NEK7: variants seen among roughly 807,000 people sequenced by gnomAD.
NEK7 encodes the protein NIMA related kinase 7.
NEK7 carries 18 observed loss-of-function variants against 44.6 expected under a neutral mutation model. The ratio of observed to expected loss-of-function variants is 0.40; its 90% CI spans 0.28 to 0.60. NEK7 has a LOEUF of 0.60. NEK7 is among the 20% of genes least tolerant of loss of function. The pLI, the probability that NEK7 is intolerant of heterozygous loss-of-function variation, is 0.38. For missense variants in NEK7, 256 were observed against 366.5 expected, an observed-to-expected ratio of 0.70 and a Z score of 2.46; for synonymous variants, 130 against 121.1, an observed-to-expected ratio of 1.07 and a Z score of -0.48.
intron 1 of NEK7, among the ~76,000 whole-genome samples, chr1:198,170,634 TA>T (rs1469351379): frequency 6.6e-6 from 1 of 152,186 alleles, no homozygotes; most frequent in East Asian, 1.9e-4. Flanking sequence ...TGCACTGAGT[TA>T]AATAAGGAAA....
intron 9 of NEK7, among the ~76,000 whole-genome samples, chr1:198,297,452 T>C (rs1654747090): frequency 6.6e-6 from 1 of 152,204 alleles, no homozygotes; most frequent in African/African-American, 2.4e-5. Flanking sequence ...ACACAGCATG[T>C]GGTGTAAAAT....
chr1:198,275,955 C>G (rs1259911838), intron 5 of NEK7, among the ~76,000 whole-genome samples: 1 of 151,504 alleles, frequency 6.6e-6, no homozygotes, highest in Non-Finnish European at 1.5e-5. Context: ...ATGAAACTGC[C>G]TTTATTTTGT....
chr1:198,253,788 G>T (rs1451224528), intron 3 of NEK7, among the ~76,000 whole-genome samples: 1 of 152,012 alleles, frequency 6.6e-6, no homozygotes, highest in Non-Finnish European at 1.5e-5. Context: ...TCCAAGTCCT[G>T]CCCTAACCCT....
chr1:198,216,606 C>T lies in NEK7; in HGVS notation c.-28-15947C>T, dbSNP rs1014092580. 2.0e-5 allele frequency among the ~76,000 whole-genome samples: 3 copies of T among 151,404 alleles called. No homozygotes were observed. The East Asian group carries it at 5.9e-4, about 30-fold the overall frequency. ...AGGGCAGAACTAAATGAAATTAGAACAAACAAACAAGCAGAAGTACAAAAG... is the reference window on the plus strand; with the variant it reads ...AGGGCAGAACTAAATGAAATTAGAATAAACAAACAAGCAGAAGTACAAAAG... On this transcript the variant is annotated intron_variant, in intron 1 of 9. Coordinates refer to ENST00000367385, the MANE Select transcript of NEK7 (RefSeq NM_133494.3).
intron 1 of NEK7, among the ~76,000 whole-genome samples, chr1:198,229,128 A>G (rs1666313521): frequency 6.6e-6 from 1 of 152,084 alleles, no homozygotes; most frequent in Admixed American, 6.5e-5. Context: ...ATTTGATCAT[A>G]TCTTTTTTGT....
chr1:198,267,944 T>C (rs1454001281), intron 5 of NEK7, among the ~76,000 whole-genome samples: 1 of 152,002 alleles, frequency 6.6e-6, no homozygotes, highest in Non-Finnish European at 1.5e-5. Flanking sequence ...GAGGACTTTG[T>C]CCAGTCTTCA....
intron 4 of NEK7, among the ~76,000 whole-genome samples, chr1:198,263,407 C>T (rs1653544725): frequency 6.6e-6 from 1 of 151,868 alleles, no homozygotes; most frequent in Non-Finnish European, 1.5e-5. Context: ...AATAGCATGT[C>T]ATCATAGAAA....
chr1:198,204,442 C>T (rs1038458913), intron 1 of NEK7, among the ~76,000 whole-genome samples: 8 of 151,826 alleles, frequency 5.3e-5, no homozygotes, highest in African/African-American at 1.9e-4. Context: ...ACTCAGGGCC[C>T]GGCGCGGTGG....
At chr1:198,192,776 A>C (rs1665117024) in intron 1 of NEK7, among the ~76,000 whole-genome samples, 2 of 152,320 alleles carry the variant, frequency 1.3e-5, no homozygotes, top group South Asian at 4.1e-4. Context: ...GAGAACAGAG[A>C]CAACATGTGA....
chr1:198,295,269 T>C lies in NEK7; in HGVS notation c.685-1858T>C, dbSNP rs554899054. Among the ~76,000 whole-genome samples, 26 of 152,206 alleles carry C rather than the reference T, an allele frequency of 1.7e-4. No homozygotes were observed. In the South Asian group the frequency reaches 5.4e-3, roughly 31 times the overall value. On this transcript the variant is annotated intron_variant, in intron 8 of 9. Transcript: ENST00000367385. The stretch of plus-strand genomic sequence containing the variant: ...CCTTACAGGGTTGTAGGTTGGTGGC[T>C]TACAGTTCAAAAAAAAAGAGAGCTG...
chr1:198,307,758 C>T (rs1655058219), intron 9 of NEK7, among the ~76,000 whole-genome samples: 1 of 152,086 alleles, frequency 6.6e-6, no homozygotes, highest in African/African-American at 2.4e-5. Context: ...TATCTAGTCA[C>T]TCATGTCTCC....
chr1:198,214,905 A>G (rs1199544678), intron 1 of NEK7, among the ~76,000 whole-genome samples: 1 of 152,194 alleles, frequency 6.6e-6, no homozygotes, highest in Non-Finnish European at 1.5e-5. Flanking sequence ...AATGTGAAAA[A>G]AAGAATTCTA....
rs1326564683 is a variant in NEK7 at position 198,319,962 on chromosome 1, T to C, written c.*440T>C. 3 of 152,574 alleles carry C rather than the reference T, an allele frequency of 2.0e-5. No homozygotes were observed. Among genetic ancestry groups the C allele is most frequent in the Non-Finnish European group, 4.4e-5 (3 of 68,280 alleles). 9.5% of individuals were successfully genotyped at this position (152,574 alleles called of 1,614,324 possible). On this transcript the variant is annotated 3_prime_UTR_variant, in exon 10 of 10. Coordinates refer to ENST00000367385, the MANE Select transcript of NEK7 (RefSeq NM_133494.3). ...TTGAGATGAACACAATTGTGAACTT[T>C]TGTGAAGATTTTATTTTTAAACGTT...
At chr1:198,249,253 G>C (rs1652817809) in intron 2 of NEK7, among the ~76,000 whole-genome samples, 2 of 151,938 alleles carry the variant, frequency 1.3e-5, no homozygotes, top group African/African-American at 4.8e-5. Context: ...GTATTCCATG[G>C]CGTATATGTG....
rs74136812 is a variant in NEK7, at chr1:198,280,677, A to G, written c.589+1616A>G. Among the ~76,000 whole-genome samples the G allele has an allele frequency of 2.5e-3, 383 of 150,690 alleles. 5 individuals are homozygous for G. Among genetic ancestry groups the G allele is most frequent in the African/African-American group, 8.5e-3 (350 of 41,284 alleles). ...TAATTCATTATGAATTTCTCATACC[A>G]AGTTTTATCAAAATCAACTTACCTA... On this transcript the variant is annotated intron_variant, in intron 7 of 9. Transcript: ENST00000367385.
chr1:198,290,610 C>T (rs1654524891), intron 7 of NEK7, among the ~76,000 whole-genome samples: 1 of 151,988 alleles, frequency 6.6e-6, no homozygotes, highest in Admixed American at 6.6e-5. Flanking sequence ...CCCTCTTAGG[C>T]CTGTGTTCCC....
At chr1:198,177,949 A>C (rs1350014164) in intron 1 of NEK7, among the ~76,000 whole-genome samples, 1 of 152,132 alleles carries the variant, frequency 6.6e-6, no homozygotes, top group Non-Finnish European at 1.5e-5. Flanking sequence ...AAAATAGCAC[A>C]GAAACATAAG....
chr1:198,257,520 A>G (rs1653309323), intron 3 of NEK7, among the ~76,000 whole-genome samples: 1 of 152,166 alleles, frequency 6.6e-6, no homozygotes, highest in South Asian at 2.1e-4. Flanking sequence ...TCTGCCTTCA[A>G]TCTCTTTTTC....
intron 3 of NEK7, among the ~76,000 whole-genome samples, chr1:198,258,643 CA>C (rs891096475): frequency 2.0e-5 from 3 of 151,928 alleles, no homozygotes; most frequent in Non-Finnish European, 2.9e-5. Flanking sequence ...GTAATTTTGG[CA>C]AAATTTTAAG....
Sources: allele counts gnomAD v4.1 joint callset (sites outside exome capture counted in the v4.1 genomes callset), GRCh38; gene constraint gnomAD v4.1.1; transcripts MANE v1.5; gene names NCBI Gene and HGNC (gene_info 2026-07-23, HGNC 2026-07-21).